EBF1: variants seen among roughly 807,000 people sequenced by gnomAD.
EBF1 encodes EBF transcription factor 1.
In EBF1, 10 loss-of-function variants were observed where a neutral mutation model predicts 68.4. That is an observed-to-expected ratio of 0.15 (90% CI 0.09 to 0.25). The LOEUF (loss-of-function observed/expected upper bound fraction) is 0.25, where lower values mean the gene tolerates loss of function less well. EBF1 is among the 10% of genes least tolerant of loss of function. The pLI is 1.00. For synonymous variants in EBF1, 298 were observed against 299.8 expected, an observed-to-expected ratio of 0.99 and a Z score of 0.06; for missense variants, 509 against 794.4, an observed-to-expected ratio of 0.64 and a Z score of 4.32.
At chr5:158,951,559 G>A (rs1317459663) in intron 6 of EBF1, among the ~76,000 whole-genome samples, 1 of 152,144 alleles carries the variant, frequency 6.6e-6, no homozygotes, top group Non-Finnish European at 1.5e-5. Context: ...CCGCCAATGT[G>A]CATTCATAAA....
At chr5:158,745,540 T>C (rs1767370922) in intron 10 of EBF1, among the ~76,000 whole-genome samples, 1 of 152,148 alleles carries the variant, frequency 6.6e-6, no homozygotes, top group Non-Finnish European at 1.5e-5. Context: ...AGCATTTTAG[T>C]GAATTTATCT....
At chr5:158,863,444 T>C (rs1234570689) in intron 6 of EBF1, among the ~76,000 whole-genome samples, 38 of 152,198 alleles carry the variant, frequency 2.5e-4, no homozygotes, top group Admixed American at 2.5e-3. Context: ...ATAACAACCA[T>C]GTATGTTCAT....
chr5:158,992,477 C>T (rs929237099), intron 6 of EBF1, among the ~76,000 whole-genome samples: 21 of 152,278 alleles, frequency 1.4e-4, no homozygotes, highest in African/African-American at 3.9e-4. Flanking sequence ...TGAACTCAGT[C>T]AATCACAAGT....
rs1562086497 is a variant in EBF1 at position 158,840,665 on chromosome 5, TTTTTTTTG to T, written c.555-563_555-556del. On this transcript the variant is annotated intron_variant, in intron 6 of 15. Transcript: ENST00000313708. ...CTCCTGTTTTTTTTTTTTTTTTTTTTTTTTTTTGTTTTTTTTTTTTTTTTGAGACGGAG... is the reference window on the plus strand; with the variant it reads ...CTCCTGTTTTTTTTTTTTTTTTTTTTTTTTTTTTTTTTTTTTGAGACGGAG... Among the ~76,000 whole-genome samples, 73 of 78,106 alleles carry T rather than the reference TTTTTTTTG, an allele frequency of 9.3e-4. 9 individuals are homozygous for T. The highest frequency in any genetic ancestry group is 1.4e-3 in the Non-Finnish European group (51 of 36,446). The allele number at this position is 78,106 out of a possible 152,430, so 51.2% of individuals were successfully genotyped here.
chr5:158,732,572 G>T (rs1195762191), intron 10 of EBF1, among the ~76,000 whole-genome samples: 2 of 151,848 alleles, frequency 1.3e-5, no homozygotes, highest in Admixed American at 6.6e-5. Context: ...TTGATTGACA[G>T]TGCTTACTTT....
intron 11 of EBF1, among the ~76,000 whole-genome samples, chr5:158,722,421 A>G (rs1310053076): frequency 6.6e-6 from 1 of 152,224 alleles, no homozygotes; most frequent in Non-Finnish European, 1.5e-5. Flanking sequence ...ACCGAGCTTA[A>G]AAGTAGAGGG....
At chr5:158,976,343 C>T (rs554484005) in intron 6 of EBF1, among the ~76,000 whole-genome samples, 1 of 151,876 alleles carries the variant, frequency 6.6e-6, no homozygotes, top group East Asian at 1.9e-4. Context: ...TTTCCTCCTC[C>T]CCTCAACCCC....
At chr5:158,905,419 T>A (rs1804364224) in intron 6 of EBF1, among the ~76,000 whole-genome samples, 1 of 152,296 alleles carries the variant, frequency 6.6e-6, no homozygotes, top group African/African-American at 2.4e-5. Flanking sequence ...GGCAGTTTGT[T>A]CTCAAGTCTG....
intron 8 of EBF1, among the ~76,000 whole-genome samples, chr5:158,822,848 T>G (rs1166222939): frequency 1.3e-5 from 2 of 152,232 alleles, no homozygotes; most frequent in Admixed American, 1.3e-4. Flanking sequence ...TCCCTTGGAT[T>G]GGCCTTTCCT....
intron 6 of EBF1, among the ~76,000 whole-genome samples, chr5:158,879,279 G>A (rs1192642540): frequency 6.6e-6 from 1 of 152,148 alleles, no homozygotes; most frequent in Non-Finnish European, 1.5e-5. Flanking sequence ...TCTTCAATGT[G>A]GCAACATATG....
At chr5:158,858,752 C>T (rs1291845664) in intron 6 of EBF1, among the ~76,000 whole-genome samples, 1 of 152,180 alleles carries the variant, frequency 6.6e-6, no homozygotes, top group African/African-American at 2.4e-5. Flanking sequence ...CTCTATATTT[C>T]ACATCAAGGC....
chr5:158,779,048 G>T (rs1001257601), intron 9 of EBF1, among the ~76,000 whole-genome samples: 1 of 152,074 alleles, frequency 6.6e-6, no homozygotes, highest in Non-Finnish European at 1.5e-5. Flanking sequence ...AGAATAAGAA[G>T]AAAGAGGCTC....
chr5:158,909,492 T>A (rs1583078589), intron 6 of EBF1, among the ~76,000 whole-genome samples: 1 of 152,164 alleles, frequency 6.6e-6, no homozygotes. Context: ...TTTGAAGTTA[T>A]ACATACTTAA....
At chr5:158,809,466 T>C (rs780773685) in intron 8 of EBF1, among the ~76,000 whole-genome samples, 51 of 152,160 alleles carry the variant, frequency 3.4e-4, no homozygotes, top group Non-Finnish European at 5.9e-4. Context: ...TCCCATAAAA[T>C]CTTAAGTTGT....
At chr5:158,967,316 A>G (rs889568902) in intron 6 of EBF1, among the ~76,000 whole-genome samples, 3 of 152,206 alleles carry the variant, frequency 2.0e-5, no homozygotes, top group Admixed American at 6.5e-5. Flanking sequence ...AAACTAAAAT[A>G]CAAGTTTCAT....
chr5:158,868,133 AT>A (rs375884731), intron 6 of EBF1, among the ~76,000 whole-genome samples: 3,814 of 149,294 alleles, frequency 0.026, 141 homozygotes, highest in African/African-American at 0.085. Flanking sequence ...GCTCCTATTC[AT>A]TTTTTTTTTG....
At chr5:158,706,805 T>C (rs760408263) in intron 15 of EBF1, among the ~76,000 whole-genome samples, 1 of 152,220 alleles carries the variant, frequency 6.6e-6, no homozygotes, top group Non-Finnish European at 1.5e-5. Flanking sequence ...ATTTACCCTC[T>C]TTAAGCTTCC....
At chr5:158,889,949 T>C (rs1800831549) in intron 6 of EBF1, among the ~76,000 whole-genome samples, 1 of 152,162 alleles carries the variant, frequency 6.6e-6, no homozygotes. Flanking sequence ...TTAAGTAATA[T>C]AGAGATTAAA....
chr5:158,820,727 G>A (rs1784657294), intron 8 of EBF1, among the ~76,000 whole-genome samples: 1 of 152,126 alleles, frequency 6.6e-6, no homozygotes, highest in African/African-American at 2.4e-5. Flanking sequence ...ATAGTAATAT[G>A]GCCATCTGTG....
Sources: gnomAD v4.1 joint callset for allele counts (sites outside exome capture counted in the v4.1 genomes callset) on GRCh38, gnomAD v4.1.1 for gene constraint, MANE v1.5 for transcripts, NCBI Gene and HGNC (gene_info 2026-07-23, HGNC 2026-07-21) for gene names.